The following CD160 variants were observed in gnomAD, a reference collection of about 807,000 sequenced individuals.
CD160 encodes CD160 antigen.
Under a neutral mutation model 19.2 loss-of-function variants are expected in CD160, and 11 were observed. The observed-to-expected ratio is 0.57, with a 90% CI of 0.36 to 0.95. The LOEUF (loss-of-function observed/expected upper bound fraction) is 0.95, where lower values mean the gene tolerates loss of function less well. Among genes scored for constraint, CD160 ranks in the 40% least tolerant of loss-of-function variants. CD160 has a pLI of 0.01. For missense variants in CD160, 182 were observed against 213.2 expected, an observed-to-expected ratio of 0.85 and a Z score of 0.91; for synonymous variants, 75 against 81.1, an observed-to-expected ratio of 0.93 and a Z score of 0.40.
chr1:145,727,969 G>C (rs1206341000), intron 2 of CD160, among the ~76,000 whole-genome samples: 2 of 152,084 alleles, frequency 1.3e-5, no homozygotes, highest in Non-Finnish European at 2.9e-5. Context: ...TCTGATTATA[G>C]TAGAAAAAAA....
chr1:145,725,153 T>C (rs907272787), intron 2 of CD160, among the ~76,000 whole-genome samples: 2 of 151,602 alleles, frequency 1.3e-5, no homozygotes, highest in Admixed American at 1.3e-4. Flanking sequence ...GGCGTGGTGG[T>C]TCACGCCTGT....
chr1:145,730,999 A>C lies in CD160; in HGVS notation c.329A>C (p.Tyr110Ser). The C allele has an allele frequency of 6.2e-7, 1 of 1,614,166 alleles. No homozygotes were observed. The highest frequency in any genetic ancestry group is 8.5e-7 in the Non-Finnish European group (1 of 1,180,010). The change falls in exon 4 of 6, where the codon TAC becomes TCC. Residue 110 changes from tyrosine to serine, a missense_variant. Coordinates refer to ENST00000369288, the MANE Select transcript of CD160 (RefSeq NM_007053.4). ...SQVTPLHSGT[Y>S]QCCARSQKSG... ...GTCACACCGTTGCACAGTGGGACCT[A>C]CCAGTGTTGTGCCAGAAGCCAGAAG...
intron 1 of CD160, among the ~76,000 whole-genome samples, chr1:145,721,698 C>A (rs1183892799): frequency 2.8e-4 from 43 of 152,098 alleles, no homozygotes; most frequent in African/African-American, 1.0e-3. Flanking sequence ...CTACCTAGTG[C>A]GGAGCCAGGA....
At chr1:145,725,215 C>T (rs587597732) in intron 2 of CD160, among the ~76,000 whole-genome samples, 37 of 151,900 alleles carry the variant, frequency 2.4e-4, no homozygotes, top group African/African-American at 8.4e-4. Flanking sequence ...GTTAGGAGTT[C>T]AAGATCACCC....
intron 1 of CD160, among the ~76,000 whole-genome samples, chr1:145,724,007 A>T (rs757698424): frequency 3.0e-4 from 46 of 152,184 alleles, no homozygotes; most frequent in Non-Finnish European, 6.2e-4. Flanking sequence ...TGCATTTGAA[A>T]TGTTAATATA....
rs1657593450 is a variant in CD160 at position 145,738,665 on chromosome 1, T to A, written c.*172T>A. 7 of 431,702 alleles carry A rather than the reference T, an allele frequency of 1.6e-5. No individual in the cohort carries two copies. Among genetic ancestry groups the A allele is most frequent in the Admixed American group, 4.3e-5 (1 of 23,464 alleles). 26.7% of individuals were successfully genotyped at this position (431,702 alleles called of 1,614,324 possible). A position where few individuals can be genotyped will look rare whatever the true frequency, so the allele number is the denominator to read the frequency against. The stretch of plus-strand genomic sequence containing the variant: ...TATAAGCTGGGGCAAATCAGTGTAA[T>A]CCTTGACTTTGCTCCTCACCATCAG... On this transcript the variant is annotated 3_prime_UTR_variant, in exon 6 of 6. Coordinates refer to ENST00000369288, the MANE Select transcript of CD160 (RefSeq NM_007053.4).
intron 4 of CD160, among the ~76,000 whole-genome samples, chr1:145,731,780 A>T (rs1212557062): frequency 1.3e-5 from 2 of 152,186 alleles, no homozygotes; most frequent in Non-Finnish European, 2.9e-5. Context: ...AGACAACGAG[A>T]TTAGGTTTGA....
rs1326856620 is a variant in CD160, at chr1:145,733,819, T to A, written c.401-2178T>A. ...TCTCACCCCTTCAACCTTTTCTCTT[T>A]ACTCTCTCTCCCTAGTTCTCATCTA... On this transcript the variant is annotated intron_variant, in intron 4 of 5. Transcript: ENST00000369288. Among the ~76,000 whole-genome samples the A allele has an allele frequency of 2.0e-5, 3 of 152,116 alleles. No individual in the cohort carries two copies. The East Asian group carries it at 5.8e-4, about 29-fold the overall frequency.
chr1:145,738,419 T>C, intron 5 of CD160, 67 bp from the exon 6 acceptor site: 2 of 1,123,846 alleles, frequency 1.8e-6, no homozygotes, highest in Non-Finnish European at 2.4e-6. Context: ...AGGTGAGACT[T>C]CATTATATCA....
chr1:145,724,271 T>G (rs782570108), intron 1 of CD160, among the ~76,000 whole-genome samples: 15 of 152,242 alleles, frequency 9.9e-5, no homozygotes, highest in Non-Finnish European at 2.1e-4. Flanking sequence ...TTATTGTTTC[T>G]AATAATTCTC....
chr1:145,723,048 C>T (rs587666250), intron 1 of CD160, among the ~76,000 whole-genome samples: 10 of 152,218 alleles, frequency 6.6e-5, no homozygotes, highest in African/African-American at 2.4e-4. Flanking sequence ...CATTTATCCT[C>T]TTTGTCACTT....
At chr1:145,729,305 T>C (rs1312096003) in intron 3 of CD160, among the ~76,000 whole-genome samples, 1 of 152,156 alleles carries the variant, frequency 6.6e-6, no homozygotes, top group African/African-American at 2.4e-5. Context: ...GTGAATTTAG[T>C]TTACTATGTA....
chr1:145,738,525 T>C lies in CD160; in HGVS notation c.*32T>C. The C allele has an allele frequency of 1.5e-6, 2 of 1,307,270 alleles. No homozygotes were observed. The highest frequency in any genetic ancestry group is 2.0e-6 in the Non-Finnish European group (2 of 1,012,976). The allele number at this position is 1,307,270 out of a possible 1,614,324, so 81.0% of individuals were successfully genotyped here. A position where few individuals can be genotyped will look rare whatever the true frequency, so the allele number is the denominator to read the frequency against. ...TGCCAAAAGAAACTTTTAAAACAGC[T>C]ACAGCAAGATGAGTCTGACTATGGC... is the stretch of plus-strand genomic sequence containing the variant. On this transcript the variant is annotated 3_prime_UTR_variant, in exon 6 of 6. Transcript: ENST00000369288.
intron 4 of CD160, among the ~76,000 whole-genome samples, chr1:145,735,403 C>T (rs1475528988): frequency 2.0e-5 from 3 of 152,016 alleles, no homozygotes; most frequent in African/African-American, 7.2e-5. Flanking sequence ...CTGGGCAACA[C>T]AGTGAAAACC....
chr1:145,731,603 G>A (rs1657296661), intron 4 of CD160, among the ~76,000 whole-genome samples: 1 of 152,192 alleles, frequency 6.6e-6, no homozygotes, highest in African/African-American at 2.4e-5. Context: ...CTGGGAGGCG[G>A]AGGTTGCAGT....
intron 1 of CD160, among the ~76,000 whole-genome samples, chr1:145,719,809 A>G (rs1006093078): frequency 6.6e-6 from 1 of 152,220 alleles, no homozygotes; most frequent in African/African-American, 2.4e-5. Context: ...GAATTCCTCA[A>G]ATTACCAGAG....
At chr1:145,731,166 T>C (rs1345306636) in intron 4 of CD160, 96 bp downstream of exon 4, 1 of 948,350 alleles carries the variant, frequency 1.1e-6, no homozygotes, top group African/African-American at 1.6e-5. Flanking sequence ...GGAAAGGCAG[T>C]TTCCTTCTTC....
intron 1 of CD160, among the ~76,000 whole-genome samples, chr1:145,721,074 C>A (rs1198181336): frequency 2.0e-5 from 3 of 152,202 alleles, no homozygotes; most frequent in Non-Finnish European, 4.4e-5. Context: ...CCGCCCCTGG[C>A]GTGTAGTGGG....
chr1:145,726,559 C>T (rs587705306), intron 2 of CD160, among the ~76,000 whole-genome samples: 3 of 152,072 alleles, frequency 2.0e-5, no homozygotes, highest in Non-Finnish European at 4.4e-5. Context: ...GGGTGGGGAA[C>T]ATCACACACC....
Sources: allele counts gnomAD v4.1 joint callset (sites outside exome capture counted in the v4.1 genomes callset), GRCh38; gene constraint gnomAD v4.1.1; transcripts MANE v1.5; gene names NCBI Gene and HGNC (gene_info 2026-07-23, HGNC 2026-07-21).